The following PRKN variants were observed in gnomAD, a reference collection of about 807,000 sequenced individuals.
PRKN encodes the protein E3 ubiquitin-protein ligase parkin.
In PRKN, 56 loss-of-function variants were observed where a neutral mutation model predicts 59.5. That is an observed-to-expected ratio of 0.94 (90% CI 0.76 to 1.18). The LOEUF is 1.18. Among genes scored for constraint, PRKN ranks in the 50% most tolerant of loss-of-function variants. The probability of loss-of-function intolerance (pLI) is 0.00; values close to 1 mark genes in which losing one functional copy is unlikely to be tolerated. For missense variants in PRKN, 657 were observed against 596.4 expected (o/e 1.10, Z -1.06); for synonymous variants, 250 against 222.1 (o/e 1.13, Z -1.12).
intron 2 of PRKN, among the ~76,000 whole-genome samples, chr6:162,274,236 C>G (rs1247388431): frequency 6.6e-6 from 1 of 151,906 alleles, no homozygotes. Flanking sequence ...GTCACTCAGG[C>G]TGGAGTGCAG....
chr6:161,612,189 C>T (rs922913880), intron 7 of PRKN, among the ~76,000 whole-genome samples: 2 of 152,176 alleles, frequency 1.3e-5, no homozygotes, highest in African/African-American at 4.8e-5. Flanking sequence ...ATAGAAACCG[C>T]AGCAAGTCAT....
At chr6:161,918,203 T>A (rs1023292199) in intron 6 of PRKN, among the ~76,000 whole-genome samples, 1 of 152,110 alleles carries the variant, frequency 6.6e-6, no homozygotes, top group Non-Finnish European at 1.5e-5. Context: ...TCATGGGTAA[T>A]CAATTCACAT....
chr6:162,348,196 C>T (rs1428688864), intron 2 of PRKN, among the ~76,000 whole-genome samples: 3 of 152,174 alleles, frequency 2.0e-5, no homozygotes, highest in African/African-American at 7.2e-5. Flanking sequence ...TGCTGGTTCA[C>T]AGAGCATTGA....
chr6:162,355,885 T>C (rs1203728381), intron 2 of PRKN, among the ~76,000 whole-genome samples: 1 of 152,174 alleles, frequency 6.6e-6, no homozygotes, highest in Non-Finnish European at 1.5e-5. Flanking sequence ...ACTGATCTAT[T>C]TGACAAAAAC....
intron 2 of PRKN, among the ~76,000 whole-genome samples, chr6:162,429,831 A>G (rs183142197): frequency 8.5e-4 from 129 of 152,188 alleles, no homozygotes; most frequent in African/African-American, 3.0e-3. Flanking sequence ...AACAGAATCC[A>G]AGGAAGCATC....
chr6:161,564,298 C>T (rs570148932), intron 8 of PRKN, among the ~76,000 whole-genome samples: 3 of 152,126 alleles, frequency 2.0e-5, no homozygotes, highest in African/African-American at 4.8e-5. Context: ...GCCCTGTTCA[C>T]GACAGTCACC....
At chr6:162,297,936 C>T (rs1781754302) in intron 2 of PRKN, among the ~76,000 whole-genome samples, 2 of 152,088 alleles carry the variant, frequency 1.3e-5, no homozygotes, top group Non-Finnish European at 2.9e-5. Flanking sequence ...TTACAACAAG[C>T]AAAATATGTG....
At chr6:162,382,054 C>A (rs966129465) in intron 2 of PRKN, among the ~76,000 whole-genome samples, 3 of 152,128 alleles carry the variant, frequency 2.0e-5, no homozygotes, top group African/African-American at 4.8e-5. Context: ...GAGAAAGTAG[C>A]AAGATTTTGC....
intron 6 of PRKN, among the ~76,000 whole-genome samples, chr6:161,962,883 A>G (rs1780435863): frequency 6.6e-6 from 1 of 151,580 alleles, no homozygotes; most frequent in Admixed American, 6.6e-5. Context: ...GGTGGCTCAC[A>G]CCTGTAATCC....
At chr6:161,531,568 T>C (rs1264344102) in intron 9 of PRKN, among the ~76,000 whole-genome samples, 3 of 152,100 alleles carry the variant, frequency 2.0e-5, no homozygotes, top group Non-Finnish European at 4.4e-5. Context: ...GAAAGGAACC[T>C]GGGCAGAATC....
rs908468967 is a variant in PRKN, at chr6:161,502,652, A to G, written c.1083+46202T>C. Among the ~76,000 whole-genome samples, 2 of 152,164 alleles carry G rather than the reference A, an allele frequency of 1.3e-5. No homozygotes were observed. Among genetic ancestry groups the G allele is most frequent in the Non-Finnish European group, 2.9e-5 (2 of 68,028 alleles). Reference sequence around the variant, plus strand: ...GGAAGAGAGAAATGGGGGATTTGGGAGTAGCAACCTCTGGAGTACCAGTGC... The same window carrying G: ...GGAAGAGAGAAATGGGGGATTTGGGGGTAGCAACCTCTGGAGTACCAGTGC... On this transcript the variant is annotated intron_variant, in intron 9 of 11. Coordinates refer to ENST00000366898, the MANE Select transcript of PRKN (RefSeq NM_004562.3). This position sits in a 1 kb window ranked among gnomAD's most constrained non-coding sequence, Gnocchi z 4.0.
At chr6:162,707,638 G>A (rs1436245064) in intron 1 of PRKN, among the ~76,000 whole-genome samples, 3 of 150,334 alleles carry the variant, frequency 2.0e-5, no homozygotes, top group East Asian at 2.0e-4. Context: ...GCAGTGGCAC[G>A]ATCTCAGTTC....
At chr6:161,528,488 G>T (rs189118621) in intron 9 of PRKN, among the ~76,000 whole-genome samples, 1 of 152,156 alleles carries the variant, frequency 6.6e-6, no homozygotes, top group Non-Finnish European at 1.5e-5. Context: ...GGAACTTGGA[G>T]AACTCCCATT....
chr6:162,556,364 T>TGTGTGTGTGTGC (rs1554243418), intron 1 of PRKN, among the ~76,000 whole-genome samples: 6,519 of 91,132 alleles, frequency 0.072, 430 homozygotes, highest in African/African-American at 0.13. Context: ...TGTGTGTGTG[T>TGTGTGTGTGTGC]GTGTGTGTGT....
chr6:162,373,650 C>T (rs1490815740), intron 2 of PRKN, among the ~76,000 whole-genome samples: 1 of 151,846 alleles, frequency 6.6e-6, no homozygotes, highest in Non-Finnish European at 1.5e-5. Context: ...TTCTTAATAC[C>T]CTTATATAGG....
intron 4 of PRKN, among the ~76,000 whole-genome samples, chr6:162,108,355 C>T (rs1422002003): frequency 6.6e-6 from 1 of 152,168 alleles, no homozygotes; most frequent in Non-Finnish European, 1.5e-5. Flanking sequence ...CACTAGGAAT[C>T]AGCGCACTTC....
At position 162,489,425 on chromosome 6, in the gene PRKN, C is replaced by T. The variant is rs890445308; in HGVS notation, c.8-45952G>A. Among the ~76,000 whole-genome samples, 7 of 152,266 alleles carry T rather than the reference C, an allele frequency of 4.6e-5. 1 individual carries two copies. The South Asian group carries it at 1.4e-3, about 32-fold the overall frequency. On this transcript the variant is annotated intron_variant, in intron 1 of 11. Coordinates refer to ENST00000366898, the MANE Select transcript of PRKN (RefSeq NM_004562.3). ...CAGAATATTAAAACTCTGTATTTTT[C>T]AACTGCCTGCACTGAGGAAAGATAG...
intron 2 of PRKN, among the ~76,000 whole-genome samples, chr6:162,391,028 A>G (rs1430097160): frequency 6.6e-6 from 1 of 152,190 alleles, no homozygotes; most frequent in Non-Finnish European, 1.5e-5. Context: ...GTGTTGTTAG[A>G]ATTCCAAGGA....
At position 161,454,128 on chromosome 6, in the gene PRKN, C is replaced by T. The variant is rs544899785; in HGVS notation, c.1084-67251G>A. ...CTTTCTTTCTGAGATGGAAGGAAACCTAAAAGTAACAATGTACACAACTCG... is the reference window on the plus strand; with the variant it reads ...CTTTCTTTCTGAGATGGAAGGAAACTTAAAAGTAACAATGTACACAACTCG... On this transcript the variant is annotated intron_variant, in intron 9 of 11. Transcript: ENST00000366898. The surrounding 1 kb of genome is among the most constrained non-coding windows in gnomAD (Gnocchi z 4.6). Among the ~76,000 whole-genome samples, 226 of 152,144 alleles carry T rather than the reference C, an allele frequency of 1.5e-3. 1 individual carries two copies. The highest frequency in any genetic ancestry group is 3.5e-3 in the South Asian group (17 of 4,812).
Sources: gnomAD v4.1 joint callset for allele counts (sites outside exome capture counted in the v4.1 genomes callset) on GRCh38, gnomAD v4.1.1 for gene constraint, Gnocchi (gnomAD v3.1) non-coding constraint, MANE v1.5 for transcripts, NCBI Gene and HGNC (gene_info 2026-07-23, HGNC 2026-07-21) for gene names.